The following CHRD variants were observed in gnomAD, a reference collection of about 807,000 sequenced individuals.
CHRD encodes chordin.
Under a neutral mutation model 113.7 loss-of-function variants are expected in CHRD, and 69 were observed. That is an observed-to-expected ratio of 0.61 (90% CI 0.50 to 0.74). CHRD has a LOEUF of 0.74. Among genes scored for constraint, CHRD ranks in the 30% least tolerant of loss-of-function variants. CHRD has a pLI of 0.00. For synonymous variants in CHRD, 561 were observed against 540.8 expected, an observed-to-expected ratio of 1.04 and a Z score of -0.52; for missense variants, 1,194 against 1,295.8, an observed-to-expected ratio of 0.92 and a Z score of 1.21.
exon 23 of CHRD, chr3:184,389,410 C>T (rs1386190470): frequency 3.7e-5 from 59 of 1,613,466 alleles, no homozygotes; most frequent in East Asian, 8.9e-5. Flanking sequence ...AGAAAGAAGC[C>T]GAAGGCTCTT....
At chr3:184,386,224 C>A in intron 15 of CHRD, 65 bp downstream of exon 15, 1 of 1,507,184 alleles carries the variant, frequency 6.6e-7, no homozygotes, top group East Asian at 2.3e-5. Context: ...GCACTGTGTG[C>A]CATTGCACTA....
In CHRD at chr3:184,387,052, G is replaced by A. The variant is rs1716435285; in HGVS notation, c.2292G>A (p.Glu764=). ...TTCACCATTTCTTTGGCTCCACAGA[G>A]AAACAAGATGTCAGAGACTTGCCAG... Residue 764 remains glutamate (E), a splice_region_variant and synonymous_variant, in exon 18 of 23, where the codon GAG becomes GAA. Coordinates refer to ENST00000204604, the Ensembl canonical transcript of CHRD. This position sits in a 1 kb window ranked among gnomAD's most constrained non-coding sequence, Gnocchi z 6.1. 3.7e-6 allele frequency: 6 copies of A among 1,614,072 alleles called. No individual in the cohort carries two copies. Among genetic ancestry groups the A allele is most frequent in the Non-Finnish European group, 4.2e-6 (5 of 1,180,026 alleles).
At chr3:184,382,989 G>T in intron 9 of CHRD, 27 bp from the exon 10 acceptor site, 1 of 1,612,610 alleles carries the variant, frequency 6.2e-7, no homozygotes, top group African/African-American at 1.3e-5. Context: ...TCTTGCTATT[G>T]CCCATCACAC....
At position 184,387,414 on chromosome 3, in the gene CHRD, T is replaced by A; in HGVS notation, c.2388T>A (p.Gly796=). Residue 796 remains glycine (G), a synonymous_variant, in exon 19 of 23, where the codon GGT becomes GGA. Transcript: ENST00000204604. This position sits in a 1 kb window ranked among gnomAD's most constrained non-coding sequence, Gnocchi z 6.1. Reference sequence around the variant, plus strand: ...GTGACCGGAGCTGGCGGGCAGCGGGTACGCGGTGGCACCCCGTTGTGCCCC... The same window carrying A: ...GTGACCGGAGCTGGCGGGCAGCGGGAACGCGGTGGCACCCCGTTGTGCCCC... 6.2e-7 allele frequency: 1 copy of A among 1,613,056 alleles called. No individual in the cohort carries two copies. Among genetic ancestry groups the A allele is most frequent in the Non-Finnish European group, 8.5e-7 (1 of 1,179,640 alleles).
chr3:184,387,397 A>G lies in CHRD; in HGVS notation c.2371A>G (p.Ser791Gly). 1 of 1,612,720 alleles carries G rather than the reference A, an allele frequency of 6.2e-7. No homozygotes were observed. Among genetic ancestry groups the G allele is most frequent in the Non-Finnish European group, 8.5e-7 (1 of 1,179,444 alleles). ...AGGCTGCTATTTTGATGGTGACCGGAGCTGGCGGGCAGCGGGTACGCGGTG... is the reference window on the plus strand; with the variant it reads ...AGGCTGCTATTTTGATGGTGACCGGGGCTGGCGGGCAGCGGGTACGCGGTG... The change falls in exon 19 of 23, where the codon AGC becomes GGC. Residue 791 changes from serine (S) to glycine (G), a missense_variant. Transcript: ENST00000204604. This position sits in a 1 kb window ranked among gnomAD's most constrained non-coding sequence, Gnocchi z 6.1.
At position 184,384,722 on chromosome 3, in the gene CHRD, T is replaced by C; in HGVS notation, c.1597+29T>C. Reference sequence around the variant, plus strand: ...AGTGTCCTTAGGGGTCTGTCTGCCCTTTGGTTTCCTAGAACATTTGAGGGA... The same window carrying C: ...AGTGTCCTTAGGGGTCTGTCTGCCCCTTGGTTTCCTAGAACATTTGAGGGA... On this transcript the variant is annotated intron_variant, in intron 13 of 22. Transcript: ENST00000204604. The surrounding 1 kb of genome is among the most constrained non-coding windows in gnomAD (Gnocchi z 4.4). The C allele has an allele frequency of 2.0e-6, 3 of 1,514,756 alleles. No individual in the cohort carries two copies. The highest frequency in any genetic ancestry group is 2.7e-6 in the Non-Finnish European group (3 of 1,130,988). The allele number at this position is 1,514,756 out of a possible 1,614,324, so 93.8% of individuals were successfully genotyped here.
intron 15 of CHRD, 104 bp downstream of exon 15, chr3:184,386,263 T>A: frequency 7.6e-7 from 1 of 1,314,724 alleles, no homozygotes; most frequent in Non-Finnish European, 1.1e-6. Context: ...GTCCTGGGGG[T>A]GGTCGTATCA....
chr3:184,385,425 T>C (rs1398698791), intron 14 of CHRD, among the ~76,000 whole-genome samples, 187 bp downstream of exon 14: 1 of 152,040 alleles, frequency 6.6e-6, no homozygotes, highest in Admixed American at 6.6e-5. Flanking sequence ...CCCAGCACTT[T>C]GGGAGGCCAG....
At chr3:184,382,082 G>T in intron 6 of CHRD, 62 bp downstream of exon 6, 1 of 1,593,318 alleles carries the variant, frequency 6.3e-7, no homozygotes, top group Non-Finnish European at 8.6e-7. Flanking sequence ...AGCATGCTCT[G>T]CATTGCCTCC....
chr3:184,386,421 G>C, intron 15 of CHRD, 71 bp from the exon 16 acceptor site: 1 of 1,516,896 alleles, frequency 6.6e-7, no homozygotes, highest in Non-Finnish European at 8.8e-7. Context: ...TCTCCTGCTG[G>C]CTGGCCAGCT....
At position 184,388,450 on chromosome 3, in the gene CHRD, T is replaced by C; in HGVS notation, c.2555-137T>C. 2 of 905,516 alleles carry C rather than the reference T, an allele frequency of 2.2e-6. No homozygotes were observed. The highest frequency in any genetic ancestry group is 3.3e-5 in the African/African-American group (2 of 60,462). 56.1% of individuals were successfully genotyped at this position (905,516 alleles called of 1,614,324 possible). ...ATCCATCCGTCCCTTCATCCATCCA[T>C]TCATCTGCCCACCCACCCATCCAAA... On this transcript the variant is annotated intron_variant, in intron 20 of 22. Transcript: ENST00000204604. The surrounding 1 kb of genome is among the most constrained non-coding windows in gnomAD (Gnocchi z 6.1).
Position 184,382,587 on chromosome 3 carries a change from A to AG in CHRD, c.842-40dup, listed in dbSNP as rs754937500. On this transcript the variant is annotated intron_variant, in intron 7 of 22. Transcript: ENST00000204604. ...CTGAGTCTTCTCTATCACCCAGGAAAGGGGGGGAGGGTTTCTGACGGGCTC... is the reference window on the plus strand; with the variant it reads ...CTGAGTCTTCTCTATCACCCAGGAAAGGGGGGGGAGGGTTTCTGACGGGCTC... The AG allele has an allele frequency of 1.9e-5, 31 of 1,610,340 alleles. No homozygotes were observed. The East Asian group carries it at 2.0e-4, about 10-fold the overall frequency.
Position 184,380,731 on chromosome 3 carries a change from C to A in CHRD, c.188C>A (p.Thr63Lys). 1 of 1,599,396 alleles carries A rather than the reference C, an allele frequency of 6.3e-7. No homozygotes were observed. Among genetic ancestry groups the A allele is most frequent in the Non-Finnish European group, 8.5e-7 (1 of 1,176,842 alleles). ...GGGAAGGTCTATGCCTTGGACGAGA[C>A]GTGGCACCCGGACCTAGGGGAGCCA... The change falls in exon 2 of 23, where the codon ACG becomes AAG. Residue 63 changes from threonine to lysine, a missense_variant. Transcript: ENST00000204604. This position sits in a 1 kb window ranked among gnomAD's most constrained non-coding sequence, Gnocchi z 6.3.
rs1333495974 is a variant in CHRD at position 184,384,957 on chromosome 3, G to C, written c.1598-61G>C. ...GTGTGCTGGGGAGCTGGGAATGCTG[G>C]GTTTGAGGGCTTGCCCTAGGCCACC... is the stretch of plus-strand genomic sequence containing the variant. On this transcript the variant is annotated intron_variant, in intron 13 of 22. Coordinates refer to ENST00000204604, the Ensembl canonical transcript of CHRD. The surrounding 1 kb of genome is among the most constrained non-coding windows in gnomAD (Gnocchi z 4.4). 1.3e-6 allele frequency: 2 copies of C among 1,536,436 alleles called. No individual in the cohort carries two copies. The highest frequency in any genetic ancestry group is 4.5e-5 in the East Asian group (2 of 44,280).
intron 12 of CHRD, 133 bp downstream of exon 12, chr3:184,383,775 CTTTTTT>C (rs58835715): frequency 7.7e-5 from 33 of 426,148 alleles, no homozygotes; most frequent in Admixed American, 1.1e-4. Context: ...ATTCATTTGA[CTTTTTT>C]TTTTTTTTTT....
chr3:184,386,470 C>T (rs1394109057), intron 15 of CHRD, 22 bp from the exon 16 acceptor site: 3 of 1,535,036 alleles, frequency 2.0e-6, no homozygotes, highest in South Asian at 2.4e-5. Flanking sequence ...CCAGCGCTGC[C>T]TCAGTTGGCC....
rs376748609 is a variant in CHRD, at chr3:184,381,546, C to A, written c.433C>A (p.Arg145=). The change falls in exon 4 of 23, where the codon CGG becomes AGG. Residue 145 remains arginine, a synonymous_variant. Coordinates refer to ENST00000204604, the Ensembl canonical transcript of CHRD. This position sits in a 1 kb window ranked among gnomAD's most constrained non-coding sequence, Gnocchi z 4.7. The stretch of plus-strand genomic sequence containing the variant: ...GAGCGGCCTGTCCTTCGAGTATCCG[C>A]GGGACCCGGAGCATCGCAGTTATAG... 1.9e-6 allele frequency: 3 copies of A among 1,607,674 alleles called. No homozygotes were observed. The highest frequency in any genetic ancestry group is 1.7e-5 in the Admixed American group (1 of 59,622).
Position 184,384,738 on chromosome 3 carries a change from AT to A in CHRD, c.1597+48del. The A allele has an allele frequency of 6.6e-7, 1 of 1,507,138 alleles. No individual in the cohort carries two copies. The allele number at this position is 1,507,138 out of a possible 1,614,324, so 93.4% of individuals were successfully genotyped here. On this transcript the variant is annotated intron_variant, in intron 13 of 22. Coordinates refer to ENST00000204604, the Ensembl canonical transcript of CHRD. This position sits in a 1 kb window ranked among gnomAD's most constrained non-coding sequence, Gnocchi z 4.4. Reference sequence around the variant, plus strand: ...TGTCTGCCCTTTGGTTTCCTAGAACATTTGAGGGATGGTGGCAGACAGCCGG... The same window carrying A: ...TGTCTGCCCTTTGGTTTCCTAGAACATTGAGGGATGGTGGCAGACAGCCGG...
chr3:184,385,335 C>A, intron 14 of CHRD, 97 bp downstream of exon 14: 1 of 874,652 alleles, frequency 1.1e-6, no homozygotes, highest in South Asian at 1.5e-5. Context: ...GAGCAGGCAG[C>A]CTGGTATAGA....
Sources: gnomAD v4.1 joint callset for allele counts (sites outside exome capture counted in the v4.1 genomes callset) on GRCh38, gnomAD v4.1.1 for gene constraint, Gnocchi (gnomAD v3.1) non-coding constraint, MANE v1.5 for transcripts, NCBI Gene and HGNC (gene_info 2026-07-23, HGNC 2026-07-21) for gene names.